Variants in NAALADL2 observed in about 807,000 individuals in gnomAD.
NAALADL2 encodes inactive N-acetylated-alpha-linked acidic dipeptidase-like protein 2.
NAALADL2 carries 76 observed loss-of-function variants against 87.2 expected under a neutral mutation model. The observed-to-expected ratio is 0.87, with a 90% confidence interval of 0.72 to 1.05. The LOEUF (loss-of-function observed/expected upper bound fraction) is 1.05, where lower values mean the gene tolerates loss of function less well. Ranked by LOEUF, NAALADL2 falls within the 50% of genes least tolerant of loss-of-function variation. NAALADL2 has a pLI of 0.00. For missense variants in NAALADL2, 1,089 were observed against 945.8 expected (o/e 1.15, Z -1.99); for synonymous variants, 354 against 331.0 (o/e 1.07, Z -0.75).
At chr3:174,625,896 ATTC>A (rs1196791059) in intron 2 of NAALADL2, among the ~76,000 whole-genome samples, 2 of 152,084 alleles carry the variant, frequency 1.3e-5, no homozygotes, top group African/African-American at 4.8e-5. Flanking sequence ...GAGGACTACT[ATTC>A]TTCACAATGT....
intron 1 of NAALADL2, among the ~76,000 whole-genome samples, chr3:174,944,107 T>C (rs2108483116): frequency 6.6e-6 from 1 of 152,236 alleles, no homozygotes; most frequent in South Asian, 2.1e-4. Context: ...GATTTTCTAG[T>C]ACCTGGAGGT....
At chr3:175,459,245 AATC>A (rs1722761838) in intron 6 of NAALADL2, among the ~76,000 whole-genome samples, 1 of 152,148 alleles carries the variant, frequency 6.6e-6, no homozygotes, top group Non-Finnish European at 1.5e-5. Flanking sequence ...ATAAAACAAA[AATC>A]AGAAAACATT....
At chr3:174,651,534 C>CT (rs34143149) in intron 2 of NAALADL2, among the ~76,000 whole-genome samples, 1 of 152,060 alleles carries the variant, frequency 6.6e-6, no homozygotes, top group African/African-American at 2.4e-5. Flanking sequence ...TAATTGCTTT[C>CT]TTTTTTTAAA....
intron 9 of NAALADL2, among the ~76,000 whole-genome samples, chr3:175,553,432 A>G (rs1041918986): frequency 5.3e-5 from 8 of 152,122 alleles, no homozygotes; most frequent in Non-Finnish European, 4.4e-5. Flanking sequence ...CCTTCCATGT[A>G]TTTTAGGATT....
chr3:174,959,320 T>C (rs1741632295), intron 1 of NAALADL2, among the ~76,000 whole-genome samples: 1 of 152,036 alleles, frequency 6.6e-6, no homozygotes, highest in African/African-American at 2.4e-5. Context: ...GAATTGTTCA[T>C]ACCTTAAAAT....
At chr3:174,678,884 G>A (rs1727279733) in intron 2 of NAALADL2, among the ~76,000 whole-genome samples, 1 of 152,316 alleles carries the variant, frequency 6.6e-6, no homozygotes, top group East Asian at 1.9e-4. Context: ...TTGCTCTGGA[G>A]AAGTCAACTA....
intron 4 of NAALADL2, among the ~76,000 whole-genome samples, chr3:175,262,575 AGTGTGT>A (rs71164625): frequency 0.24 from 34,947 of 147,028 alleles, 4,954 homozygotes; most frequent in South Asian, 0.48. Flanking sequence ...ATGTTGTGTG[AGTGTGT>A]GTGTGTGTGT....
chr3:175,614,358 C>T (rs1378324613), intron 10 of NAALADL2, among the ~76,000 whole-genome samples: 1 of 152,134 alleles, frequency 6.6e-6, no homozygotes, highest in Non-Finnish European at 1.5e-5. Flanking sequence ...GCCTGGCGTG[C>T]CAGAATCTCT....
intron 3 of NAALADL2, among the ~76,000 whole-genome samples, chr3:174,808,930 T>TTGAG (rs1419015530): frequency 6.6e-6 from 1 of 152,094 alleles, no homozygotes; most frequent in Non-Finnish European, 1.5e-5. Flanking sequence ...AATCTTCAGC[T>TTGAG]TGAGTGATAT....
At chr3:175,218,012 C>T in intron 2 of NAALADL2, 1 of 384,968 alleles carries the variant, frequency 2.6e-6, no homozygotes, top group Non-Finnish European at 5.2e-6. Flanking sequence ...TAATGTATAG[C>T]CTGACCAAAT....
intron 2 of NAALADL2, among the ~76,000 whole-genome samples, chr3:174,591,104 A>C (rs1042497611): frequency 1.3e-5 from 2 of 152,182 alleles, no homozygotes; most frequent in Non-Finnish European, 2.9e-5. Flanking sequence ...GAAGGCTGGG[A>C]AGGAGACTGA....
At chr3:175,722,957 G>C (rs1742441184) in intron 11 of NAALADL2, among the ~76,000 whole-genome samples, 1 of 152,036 alleles carries the variant, frequency 6.6e-6, no homozygotes, top group African/African-American at 2.4e-5. Context: ...TTTTCCTGAG[G>C]ATCTAAACGT....
chr3:174,972,598 C>T (rs1326385954), intron 1 of NAALADL2, among the ~76,000 whole-genome samples: 1 of 152,022 alleles, frequency 6.6e-6, no homozygotes, highest in African/African-American at 2.4e-5. Context: ...AAGCTGTATC[C>T]CCAAATACAA....
chr3:175,528,914 G>A (rs114827402), intron 9 of NAALADL2, among the ~76,000 whole-genome samples: 2,397 of 152,320 alleles, frequency 0.016, 55 homozygotes, highest in African/African-American at 0.054. Flanking sequence ...ATCTGGTCAC[G>A]TGGTTGTAGC....
chr3:174,926,294 C>T (rs1658383248), intron 1 of NAALADL2, among the ~76,000 whole-genome samples: 1 of 152,086 alleles, frequency 6.6e-6, no homozygotes, highest in African/African-American at 2.4e-5. Context: ...AGGGTATTAT[C>T]CAGGAGAACT....
chr3:175,474,696 A>C (rs1725405739), intron 9 of NAALADL2, among the ~76,000 whole-genome samples: 1 of 149,772 alleles, frequency 6.7e-6, no homozygotes, highest in South Asian at 2.2e-4. Flanking sequence ...TGCTGCTGGC[A>C]TTGGGGGGAG....
At chr3:175,619,314 TAAGA>T (rs974846556) in intron 10 of NAALADL2, among the ~76,000 whole-genome samples, 6 of 149,570 alleles carry the variant, frequency 4.0e-5, no homozygotes, top group Non-Finnish European at 7.4e-5. Flanking sequence ...AAAGAAAAAG[TAAGA>T]AAGAAAGAAA....
chr3:175,437,909 C>T (rs985223772), intron 5 of NAALADL2, among the ~76,000 whole-genome samples: 10 of 151,946 alleles, frequency 6.6e-5, no homozygotes, highest in Non-Finnish European at 1.3e-4. Context: ...TGTTATGACA[C>T]ATTAGTTAAG....
At chr3:175,649,504 G>A (rs917480485) in intron 11 of NAALADL2, among the ~76,000 whole-genome samples, 9 of 152,146 alleles carry the variant, frequency 5.9e-5, no homozygotes, top group African/African-American at 2.2e-4. Context: ...ATATAAATTA[G>A]TTTTCTCATA....
Sources: gnomAD v4.1 joint callset for allele counts (sites outside exome capture counted in the v4.1 genomes callset) on GRCh38, gnomAD v4.1.1 for gene constraint, MANE v1.5 for transcripts, NCBI Gene and HGNC (gene_info 2026-07-23, HGNC 2026-07-21) for gene names.